Variants in TMCO4 observed in about 807,000 individuals in gnomAD.
TMCO4 encodes the protein transmembrane and coiled-coil domains 4.
In TMCO4, 58 loss-of-function variants were observed where a neutral mutation model predicts 64.7. The observed-to-expected ratio is 0.90, with a 90% CI of 0.73 to 1.12. The LOEUF (loss-of-function observed/expected upper bound fraction) is 1.12, where lower values mean the gene tolerates loss of function less well. Ranked by LOEUF, TMCO4 falls within the 50% of genes most tolerant of loss-of-function variation. The pLI is 0.00. For missense variants in TMCO4, 780 were observed against 825.9 expected (o/e 0.94, Z 0.68); for synonymous variants, 325 against 346.1 (o/e 0.94, Z 0.68).
chr1:19,735,070 G>A (rs1187751433), intron 13 of TMCO4, among the ~76,000 whole-genome samples: 1 of 152,170 alleles, frequency 6.6e-6, no homozygotes, highest in African/African-American at 2.4e-5. Context: ...GGGGGCGGCA[G>A]GGCTCAAGGC....
intron 13 of TMCO4, among the ~76,000 whole-genome samples, chr1:19,703,843 C>G (rs879683092): frequency 1.3e-5 from 2 of 152,200 alleles, no homozygotes; most frequent in Non-Finnish European, 2.9e-5. Flanking sequence ...CCACCACGCC[C>G]GTCCAGCTCT....
intron 3 of TMCO4, among the ~76,000 whole-genome samples, chr1:19,784,663 G>C (rs1383345024): frequency 6.6e-6 from 1 of 152,060 alleles, no homozygotes; most frequent in African/African-American, 2.4e-5. Flanking sequence ...ACATAGACCA[G>C]TCATGTCACT....
At chr1:19,705,344 G>A (rs113718757) in intron 13 of TMCO4, among the ~76,000 whole-genome samples, 5 of 152,072 alleles carry the variant, frequency 3.3e-5, no homozygotes, top group South Asian at 2.1e-4. Flanking sequence ...CCAGCTACTC[G>A]GAAGGCTGAG....
intron 2 of TMCO4, among the ~76,000 whole-genome samples, chr1:19,793,507 C>A (rs1438306861): frequency 6.6e-6 from 1 of 152,170 alleles, no homozygotes; most frequent in Non-Finnish European, 1.5e-5. Flanking sequence ...GCACCCTCTG[C>A]AGCCATTTAG....
intron 6 of TMCO4, among the ~76,000 whole-genome samples, chr1:19,756,227 C>T (rs528503029): frequency 7.2e-5 from 11 of 152,108 alleles, no homozygotes; most frequent in South Asian, 6.2e-4. Flanking sequence ...CTAGCCTGGG[C>T]GACAGAGTGA....
chr1:19,713,310 C>T (rs1162478526), intron 13 of TMCO4, among the ~76,000 whole-genome samples: 1 of 152,114 alleles, frequency 6.6e-6, no homozygotes, highest in Non-Finnish European at 1.5e-5. Context: ...CTGCAACATA[C>T]TGATGGCTCA....
chr1:19,700,491 C>T (rs989635165), intron 14 of TMCO4, among the ~76,000 whole-genome samples: 3 of 152,172 alleles, frequency 2.0e-5, no homozygotes, highest in African/African-American at 7.2e-5. Flanking sequence ...CAGGCCAAGC[C>T]GCCCCAGCCT....
intron 7 of TMCO4, among the ~76,000 whole-genome samples, chr1:19,754,577 T>TA (rs969610357): frequency 6.6e-6 from 1 of 151,910 alleles, no homozygotes; most frequent in East Asian, 1.9e-4. Flanking sequence ...CCACGGCAGC[T>TA]AAAAAAAACC....
intron 6 of TMCO4, among the ~76,000 whole-genome samples, chr1:19,767,617 G>A (rs2042792865): frequency 6.6e-6 from 1 of 152,132 alleles, no homozygotes; most frequent in African/African-American, 2.4e-5. Context: ...GAGGAAAGAG[G>A]GAAAGTTAGA....
rs560656708 is a variant in TMCO4 at position 19,725,803 on chromosome 1, G to C, written c.1264+11569C>G. ...TGGGCAGAGTCGTTACCCAGGCTGT[G>C]TGTGTGTGCCAGCCGATCAAGCCCG... is the stretch of plus-strand genomic sequence containing the variant. On this transcript the variant is annotated intron_variant, in intron 13 of 15. Transcript: ENST00000294543. Among the ~76,000 whole-genome samples the C allele has an allele frequency of 1.1e-4, 17 of 152,360 alleles. No individual in the cohort carries two copies. In the South Asian group the frequency reaches 3.5e-3, roughly 32 times the overall value.
At chr1:19,746,431 A>C (rs1198554505) in intron 9 of TMCO4, 25 bp downstream of exon 9, 2 of 1,612,336 alleles carry the variant, frequency 1.2e-6, no homozygotes, top group Admixed American at 1.7e-5. Context: ...ATTCCTCTGA[A>C]CCCATCATTC....
chr1:19,737,341 G>A (rs1165733605), intron 13 of TMCO4, 31 bp downstream of exon 13: 2 of 1,600,140 alleles, frequency 1.2e-6, no homozygotes, highest in East Asian at 4.5e-5. Flanking sequence ...CTTGTGAAGG[G>A]TTTCCGTCTG....
At chr1:19,778,895 G>T (rs1364888122) in intron 4 of TMCO4, among the ~76,000 whole-genome samples, 2 of 152,202 alleles carry the variant, frequency 1.3e-5, no homozygotes, top group Non-Finnish European at 2.9e-5. Flanking sequence ...AGGGGTAGCA[G>T]GTATGGAGAG....
chr1:19,746,368 G>T, intron 9 of TMCO4, 88 bp downstream of exon 9: 1 of 1,556,766 alleles, frequency 6.4e-7, no homozygotes. Flanking sequence ...GGGAGTCACT[G>T]CTGGTGAGGA....
At chr1:19,700,992 A>G in intron 13 of TMCO4, 107 bp from the exon 14 acceptor site, 1 of 821,708 alleles carries the variant, frequency 1.2e-6, no homozygotes, top group East Asian at 2.5e-5. Flanking sequence ...ATACACATGC[A>G]CACACGTGAA....
intron 15 of TMCO4, among the ~76,000 whole-genome samples, chr1:19,690,418 G>C (rs377055639): frequency 2.6e-5 from 4 of 152,248 alleles, no homozygotes; most frequent in African/African-American, 9.6e-5. Context: ...CTTCAGGGTT[G>C]TGGGTACCCC....
At chr1:19,719,848 C>T (rs1435313466) in intron 13 of TMCO4, among the ~76,000 whole-genome samples, 1 of 152,022 alleles carries the variant, frequency 6.6e-6, no homozygotes, top group Non-Finnish European at 1.5e-5. Context: ...CAAAAATTAG[C>T]CAGGTTTGGT....
In TMCO4 at chr1:19,689,461, C is replaced by T. The variant is rs568425585; in HGVS notation, c.1500+4973G>A. The stretch of plus-strand genomic sequence containing the variant: ...TAGGATTAAAGGAGGGCCTACTATG[C>T]ACCAAGCATCTTACATGCGCTGCCC... On this transcript the variant is annotated intron_variant, in intron 15 of 15. Coordinates refer to ENST00000294543, the MANE Select transcript of TMCO4 (RefSeq NM_181719.7). Among the ~76,000 whole-genome samples the T allele has an allele frequency of 2.8e-4, 42 of 152,252 alleles. No individual in the cohort carries two copies. The East Asian group carries it at 4.3e-3, about 15-fold the overall frequency.
At chr1:19,749,100 G>A (rs1438927921) in intron 7 of TMCO4, among the ~76,000 whole-genome samples, 1 of 152,232 alleles carries the variant, frequency 6.6e-6, no homozygotes, top group African/African-American at 2.4e-5. Flanking sequence ...TGTGGGATGA[G>A]GCTGAACCAT....
Sources: allele counts gnomAD v4.1 joint callset (sites outside exome capture counted in the v4.1 genomes callset), GRCh38; gene constraint gnomAD v4.1.1; transcripts MANE v1.5; gene names NCBI Gene and HGNC (gene_info 2026-07-23, HGNC 2026-07-21).